RARB: variants seen among roughly 807,000 people sequenced by gnomAD.
RARB encodes the protein HBV-activated protein.
RARB carries 17 observed loss-of-function variants against 51.9 expected under a neutral mutation model. The observed-to-expected ratio is 0.33, with a 90% CI of 0.22 to 0.49. RARB has a LOEUF of 0.49. Ranked by LOEUF, RARB falls within the 20% of genes least tolerant of loss-of-function variation. RARB has a pLI of 0.99. For synonymous variants in RARB, 215 were observed against 195.4 expected (o/e 1.10, Z -0.84); for missense variants, 369 against 550.8 (o/e 0.67, Z 3.30).
At chr3:25,362,260 G>A (rs947244814) in intron 5 of RARB, among the ~76,000 whole-genome samples, 2 of 152,270 alleles carry the variant, frequency 1.3e-5, no homozygotes, top group Admixed American at 6.5e-5. Context: ...TGCCCAGGTC[G>A]AACTTCCTGG....
At chr3:25,021,429 A>G (rs114714133) in intron 2 of RARB, among the ~76,000 whole-genome samples, 1 of 151,982 alleles carries the variant, frequency 6.6e-6, no homozygotes, top group Admixed American at 6.6e-5. Flanking sequence ...CTTGTAAATG[A>G]GCTAAGAATC....
At chr3:25,425,767 A>T (rs920497765), upstream of RARB, among the ~76,000 whole-genome samples, 5 of 152,234 alleles carry the variant, frequency 3.3e-5, no homozygotes, top group African/African-American at 1.2e-4. Flanking sequence ...GTCTCGCTCA[A>T]TGAGGCTGAT....
At chr3:25,162,554 C>T (rs1700490157) in intron 4 of RARB, among the ~76,000 whole-genome samples, 1 of 152,234 alleles carries the variant, frequency 6.6e-6, no homozygotes, top group Admixed American at 6.5e-5. Context: ...TAAAAAGGAA[C>T]TCCACACTCA....
intron 2 of RARB, among the ~76,000 whole-genome samples, chr3:24,871,928 C>T (rs1314050604): frequency 6.6e-6 from 1 of 152,104 alleles, no homozygotes; most frequent in African/African-American, 2.4e-5. Flanking sequence ...TATCCCATCT[C>T]ACCACTTCCC....
At chr3:25,341,200 C>A (rs149795605) in intron 5 of RARB, among the ~76,000 whole-genome samples, 1 of 152,122 alleles carries the variant, frequency 6.6e-6, no homozygotes, top group South Asian at 2.1e-4. Context: ...CATCTAAGAC[C>A]GTGCCTGGCA....
intron 4 of RARB, among the ~76,000 whole-genome samples, chr3:25,570,265 G>A (rs1164325509): frequency 6.6e-6 from 1 of 152,246 alleles, no homozygotes; most frequent in Non-Finnish European, 1.5e-5. Context: ...CTTTGATCTG[G>A]TGAAGGAAAC....
chr3:25,366,629 T>A (rs914674572), intron 5 of RARB, among the ~76,000 whole-genome samples: 11 of 152,220 alleles, frequency 7.2e-5, no homozygotes, highest in Admixed American at 5.9e-4. Context: ...TCATGGTTCC[T>A]AAATACTGGT....
intron 5 of RARB, among the ~76,000 whole-genome samples, chr3:25,349,029 C>T (rs1336386156): frequency 6.6e-6 from 1 of 152,170 alleles, no homozygotes; most frequent in Non-Finnish European, 1.5e-5. Context: ...TCAATGCCAT[C>T]AAGAAGTAAT....
At chr3:25,410,787 A>C (rs552111112) in intron 5 of RARB, among the ~76,000 whole-genome samples, 8 of 152,314 alleles carry the variant, frequency 5.3e-5, no homozygotes, top group Admixed American at 5.2e-4. Flanking sequence ...TATTTACGCC[A>C]CAGAAATCAG....
At chr3:25,432,931 T>A (rs949474367) in intron 1 of RARB, among the ~76,000 whole-genome samples, 4 of 152,204 alleles carry the variant, frequency 2.6e-5, no homozygotes, top group African/African-American at 9.6e-5. Context: ...TAACAATAAA[T>A]GCAATGTTCA....
rs201060475 is a variant in RARB at position 25,395,975 on chromosome 3, C to T, written c.179-65218C>T. On this transcript the variant is annotated intron_variant, in intron 5 of 11. Transcript: ENST00000383772. ...CAGCATCTTTTTTCTGGTTCCCTCT[C>T]ATTTGGGTAGATTATGTCAGAGGGA... Among the ~76,000 whole-genome samples the T allele has an allele frequency of 5.9e-5, 9 of 152,178 alleles. No homozygotes were observed. In the East Asian group the frequency reaches 1.2e-3, roughly 20 times the overall value.
intron 3 of RARB, among the ~76,000 whole-genome samples, chr3:25,547,070 G>C (rs1467719521): frequency 1.3e-5 from 2 of 152,190 alleles, no homozygotes; most frequent in Non-Finnish European, 2.9e-5. Context: ...GGTAACAGCA[G>C]AGTTGATACC....
intron 1 of RARB, among the ~76,000 whole-genome samples, chr3:24,843,234 C>T (rs373568510): frequency 5.9e-5 from 9 of 152,120 alleles, no homozygotes; most frequent in African/African-American, 2.2e-4. Context: ...GACGGCAGCT[C>T]CCAATTCAAA....
chr3:25,211,073 C>G (rs1184197790), intron 5 of RARB, among the ~76,000 whole-genome samples: 1 of 152,172 alleles, frequency 6.6e-6, no homozygotes, highest in Non-Finnish European at 1.5e-5. Flanking sequence ...TTACAGCTCT[C>G]AGAGTCATGC....
intron 2 of RARB, among the ~76,000 whole-genome samples, chr3:24,968,164 G>A (rs1696317948): frequency 6.6e-6 from 1 of 152,136 alleles, no homozygotes; most frequent in Non-Finnish European, 1.5e-5. Context: ...AAGATGGACA[G>A]TAAAGTAGGC....
chr3:25,253,337 A>T (rs988941280), intron 5 of RARB, among the ~76,000 whole-genome samples: 2 of 152,184 alleles, frequency 1.3e-5, no homozygotes, highest in Non-Finnish European at 2.9e-5. Context: ...ACCAGCATCA[A>T]CAAGAAAATT....
intron 2 of RARB, among the ~76,000 whole-genome samples, chr3:25,462,894 G>A (rs1695252282): frequency 6.6e-6 from 1 of 152,234 alleles, no homozygotes; most frequent in Admixed American, 6.5e-5. Context: ...GTCTCCAGAG[G>A]CTTAGGCTAA....
At chr3:25,266,996 C>T (rs935379664) in intron 5 of RARB, among the ~76,000 whole-genome samples, 1 of 152,218 alleles carries the variant, frequency 6.6e-6, no homozygotes, top group Non-Finnish European at 1.5e-5. Context: ...AAATACTGAG[C>T]AACCACAAAG....
intron 5 of RARB, among the ~76,000 whole-genome samples, chr3:25,275,050 C>T (rs183807876): frequency 2.6e-5 from 4 of 152,336 alleles, no homozygotes; most frequent in Admixed American, 1.3e-4. Flanking sequence ...AAAAGATCTT[C>T]GTCTTCTCTT....
Sources: gnomAD v4.1 joint callset for allele counts (sites outside exome capture counted in the v4.1 genomes callset) on GRCh38, gnomAD v4.1.1 for gene constraint, MANE v1.5 for transcripts, NCBI Gene and HGNC (gene_info 2026-07-23, HGNC 2026-07-21) for gene names.